Variants in NCKAP5 observed in about 807,000 individuals in gnomAD.
NCKAP5 encodes the protein nck-associated protein 5.
A neutral mutation model predicts 167.0 loss-of-function variants in NCKAP5; 92 were observed. The observed-to-expected ratio is 0.55, with a 90% CI of 0.47 to 0.66. The LOEUF (loss-of-function observed/expected upper bound fraction) is 0.66, where lower values mean the gene tolerates loss of function less well. Ranked by LOEUF, NCKAP5 falls within the 30% of genes least tolerant of loss-of-function variation. The probability of loss-of-function intolerance (pLI) is 0.00; values close to 1 mark genes in which losing one functional copy is unlikely to be tolerated. For synonymous variants in NCKAP5, 891 were observed against 877.4 expected (o/e 1.02, Z -0.27); for missense variants, 2,378 against 2,315.0 (o/e 1.03, Z -0.56).
chr2:133,466,843 T>TTTTTGTACATTGA (rs1348302892), intron 3 of NCKAP5, among the ~76,000 whole-genome samples: 2 of 152,166 alleles, frequency 1.3e-5, no homozygotes, highest in African/African-American at 4.8e-5. Context: ...ATGCTTGTGA[T>TTTTTGTACATTGA]TTTTGTACAT....
intron 3 of NCKAP5, among the ~76,000 whole-genome samples, chr2:133,384,892 A>G (rs1686818296): frequency 6.6e-6 from 1 of 152,148 alleles, no homozygotes; most frequent in Admixed American, 6.5e-5. Context: ...TTGTACATTG[A>G]TTTTGTATGC....
intron 7 of NCKAP5, among the ~76,000 whole-genome samples, chr2:132,984,360 A>G (rs539347192): frequency 3.6e-4 from 55 of 152,278 alleles, no homozygotes; most frequent in Non-Finnish European, 7.2e-4. Flanking sequence ...AAAGGGGAAG[A>G]TGGCCACCTT....
chr2:133,630,172 A>G, the NCKAP5 span, among the ~76,000 whole-genome samples: 1 of 152,166 alleles, frequency 6.6e-6, no homozygotes, highest in Non-Finnish European at 1.5e-5. Context: ...CAAAAAGAAA[A>G]TATTTTGCTA....
intron 4 of NCKAP5, among the ~76,000 whole-genome samples, chr2:133,221,298 C>A (rs4954045): frequency 0.39 from 58,519 of 151,958 alleles, 11,528 homozygotes; most frequent in Admixed American, 0.41. Flanking sequence ...ACTCTCCATA[C>A]AAAACTCTAG....
intron 3 of NCKAP5, among the ~76,000 whole-genome samples, chr2:133,471,701 C>T (rs1480538777): frequency 6.6e-6 from 1 of 152,068 alleles, no homozygotes; most frequent in Non-Finnish European, 1.5e-5. Context: ...TCATCATAGG[C>T]TAAACTCCTC....
intron 19 of NCKAP5, among the ~76,000 whole-genome samples, chr2:132,703,618 G>A (rs765006076): frequency 1.3e-5 from 2 of 152,194 alleles, no homozygotes; most frequent in Non-Finnish European, 2.9e-5. Context: ...TGGAGTTGCT[G>A]TTGTTATTGG....
intron 16 of NCKAP5, among the ~76,000 whole-genome samples, chr2:132,761,298 G>A (rs1255412175): frequency 3.9e-5 from 6 of 152,176 alleles, no homozygotes; most frequent in Non-Finnish European, 5.9e-5. Context: ...TTTGAGGAAC[G>A]TTAAAGAACA....
intron 4 of NCKAP5, among the ~76,000 whole-genome samples, chr2:133,251,838 C>T (rs936034104): frequency 2.0e-5 from 3 of 152,068 alleles, no homozygotes; most frequent in South Asian, 2.1e-4. Context: ...TTCCTTTTAA[C>T]AGCAATGAAG....
At chr2:132,831,230 TTTG>T (rs1350719582) in intron 11 of NCKAP5, among the ~76,000 whole-genome samples, 1 of 152,214 alleles carries the variant, frequency 6.6e-6, no homozygotes, top group African/African-American at 2.4e-5. Flanking sequence ...TTTCTGATTC[TTTG>T]TTGTTATGAA....
chr2:133,637,624 A>T, the NCKAP5 span, among the ~76,000 whole-genome samples: 1 of 127,324 alleles, frequency 7.9e-6, no homozygotes, highest in East Asian at 2.0e-4. Context: ...TGGATGTTTT[A>T]AAAAGCAAAT....
At chr2:132,785,770 G>T in intron 13 of NCKAP5, 52 bp from the exon 14 acceptor site, 2 of 1,360,996 alleles carry the variant, frequency 1.5e-6, no homozygotes, top group Non-Finnish European at 1.9e-6. Context: ...AGATCACAAA[G>T]ATATAAAAGG....
At chr2:133,113,839 G>T (rs1319460185) in intron 6 of NCKAP5, among the ~76,000 whole-genome samples, 1 of 152,146 alleles carries the variant, frequency 6.6e-6, no homozygotes, top group Non-Finnish European at 1.5e-5. Context: ...TGGAGCTGGG[G>T]GTGAGAGAAG....
chr2:133,469,999 C>T (rs1470887618), intron 3 of NCKAP5, among the ~76,000 whole-genome samples: 5 of 152,114 alleles, frequency 3.3e-5, no homozygotes, highest in Non-Finnish European at 5.9e-5. Context: ...CTGAAGCCTT[C>T]TTCTCTCAGC....
At position 132,794,263 on chromosome 2, in the gene NCKAP5, TAGAGAGAGAG is replaced by T. The variant is rs70973407; in HGVS notation, c.909+2355_909+2364del. Among the ~76,000 whole-genome samples, 31 of 11,900 alleles carry T rather than the reference TAGAGAGAGAG, an allele frequency of 2.6e-3. 1 individual carries two copies. Among genetic ancestry groups the T allele is most frequent in the South Asian group, 0.011 (2 of 178 alleles). 7.8% of individuals were successfully genotyped at this position (11,900 alleles called of 152,430 possible). On this transcript the variant is annotated intron_variant, in intron 12 of 19. Coordinates refer to ENST00000409261, the MANE Select transcript of NCKAP5 (RefSeq NM_207363.3). ...ATATATATATATATATATATATATA[TAGAGAGAGAG>T]AGAGAGAGAGAGAGAGAGAGAGAGA... is the stretch of plus-strand genomic sequence containing the variant.
intron 6 of NCKAP5, among the ~76,000 whole-genome samples, chr2:133,010,294 C>T (rs181602254): frequency 6.4e-4 from 98 of 152,208 alleles, no homozygotes; most frequent in African/African-American, 2.2e-3. Context: ...AAAGTAAGAG[C>T]GCTTCATTTT....
At chr2:132,826,034 C>G (rs961720314) in intron 11 of NCKAP5, among the ~76,000 whole-genome samples, 1 of 152,328 alleles carries the variant, frequency 6.6e-6, no homozygotes, top group African/African-American at 2.4e-5. Flanking sequence ...CGATGCTTTA[C>G]TTCTGTGGAG....
At chr2:133,226,836 C>G (rs1394389201) in intron 4 of NCKAP5, among the ~76,000 whole-genome samples, 4 of 152,156 alleles carry the variant, frequency 2.6e-5, no homozygotes, top group African/African-American at 9.7e-5. Flanking sequence ...GTGTAAGCCA[C>G]CCCCATCTGC....
chr2:133,438,320 G>T (rs1224212955), intron 3 of NCKAP5, among the ~76,000 whole-genome samples: 1 of 152,198 alleles, frequency 6.6e-6, no homozygotes, highest in East Asian at 1.9e-4. Context: ...TGGAATATCA[G>T]GGGACACTAG....
chr2:132,697,599 G>A (rs1230862553), intron 19 of NCKAP5, among the ~76,000 whole-genome samples: 2 of 105,588 alleles, frequency 1.9e-5, no homozygotes, highest in Non-Finnish European at 3.6e-5. Flanking sequence ...TGAACTTAAG[G>A]TCCCATCTTT....
Sources: gnomAD v4.1 joint callset for allele counts (sites outside exome capture counted in the v4.1 genomes callset) on GRCh38, gnomAD v4.1.1 for gene constraint, MANE v1.5 for transcripts, NCBI Gene and HGNC (gene_info 2026-07-23, HGNC 2026-07-21) for gene names.